RRP15: variants seen among roughly 807,000 people sequenced by gnomAD.
RRP15 encodes the protein ribosomal RNA processing 15 homolog, also known as RRP15-like protein.
A neutral mutation model predicts 27.1 loss-of-function variants in RRP15; 18 were observed. The observed-to-expected ratio is 0.66, with a 90% CI of 0.46 to 0.98. RRP15 has a LOEUF of 0.98. Among genes scored for constraint, RRP15 ranks in the 50% least tolerant of loss-of-function variants. RRP15 has a pLI of 0.00. For synonymous variants in RRP15, 107 were observed against 109.4 expected (o/e 0.98, Z 0.14); for missense variants, 359 against 337.8 (o/e 1.06, Z -0.49).
intron 1 of RRP15, among the ~76,000 whole-genome samples, chr1:218,299,493 G>A (rs772070173): frequency 6.6e-6 from 1 of 152,140 alleles, no homozygotes; most frequent in Non-Finnish European, 1.5e-5. Context: ...CCATCAGAAA[G>A]TGTTTCGGCT....
chr1:218,318,789 A>G (rs1656131147), intron 4 of RRP15, among the ~76,000 whole-genome samples: 1 of 151,474 alleles, frequency 6.6e-6, no homozygotes, highest in Non-Finnish European at 1.5e-5. Flanking sequence ...TCCCAGTTAG[A>G]AAGTAATTTC....
intron 1 of RRP15, among the ~76,000 whole-genome samples, chr1:218,291,616 C>T (rs904283599): frequency 1.4e-5 from 2 of 146,886 alleles, no homozygotes; most frequent in African/African-American, 5.1e-5. Flanking sequence ...ACCACAACCT[C>T]CGCCTCCCAG....
chr1:218,323,398 G>A (rs1375878403), intron 4 of RRP15, among the ~76,000 whole-genome samples: 2 of 152,204 alleles, frequency 1.3e-5, no homozygotes, highest in African/African-American at 4.8e-5. Flanking sequence ...CGCTGCAGCT[G>A]GTGGTCTTGT....
intron 3 of RRP15, 102 bp downstream of exon 3, chr1:218,305,227 C>A: frequency 1.2e-6 from 1 of 817,238 alleles, no homozygotes; most frequent in Non-Finnish European, 2.0e-6. Flanking sequence ...CTTCTCAGAG[C>A]CAAGTGATAT....
chr1:218,315,234 G>T (rs965326184), intron 4 of RRP15, among the ~76,000 whole-genome samples: 1 of 152,086 alleles, frequency 6.6e-6, no homozygotes, highest in Non-Finnish European at 1.5e-5. Context: ...TTAGTGGTGA[G>T]AATGCTTTTG....
intron 4 of RRP15, among the ~76,000 whole-genome samples, chr1:218,328,485 A>G (rs1656310025): frequency 3.3e-5 from 5 of 152,170 alleles, no homozygotes; most frequent in Admixed American, 2.6e-4. Context: ...ACATGGTGAA[A>G]CCCCATCTCT....
At chr1:218,311,214 T>C (rs1655990410) in intron 4 of RRP15, among the ~76,000 whole-genome samples, 1 of 152,210 alleles carries the variant, frequency 6.6e-6, no homozygotes, top group South Asian at 2.1e-4. Flanking sequence ...GGTATTTACC[T>C]CCATATCTTA....
At position 218,330,971 on chromosome 1, in the gene RRP15, C is replaced by T. The variant is rs933622155; in HGVS notation, c.729C>T (p.Gly243=). The change falls in exon 5 of 5, where the codon GGC becomes GGT. Residue 243 remains glycine, a synonymous_variant. Coordinates refer to ENST00000366932, the MANE Select transcript of RRP15 (RefSeq NM_016052.4). ...AKQTEVKSEE[G]PGWTILRDDF... is the part of the protein sequence containing the mutation. The stretch of plus-strand genomic sequence containing the variant: ...AGACTGAAGTGAAATCAGAAGAAGG[C>T]CCAGGTTGGACGATCCTACGTGATG... The T allele has an allele frequency of 6.2e-7, 1 of 1,612,404 alleles. No individual in the cohort carries two copies.
intron 1 of RRP15, among the ~76,000 whole-genome samples, chr1:218,293,309 A>G (rs1655673807): frequency 6.6e-6 from 1 of 152,222 alleles, no homozygotes; most frequent in Admixed American, 6.5e-5. Context: ...TTTTCCGCTC[A>G]TGAAATTAAG....
In RRP15 at chr1:218,285,306, G is replaced by A. The variant is rs757820723; in HGVS notation, c.-11G>A. 6.2e-7 allele frequency: 1 copy of A among 1,613,102 alleles called. No individual in the cohort carries two copies. On this transcript the variant is annotated 5_prime_UTR_variant, in exon 1 of 5. Coordinates refer to ENST00000366932, the MANE Select transcript of RRP15 (RefSeq NM_016052.4). ...GACGCAACTGTCAGGTGACGCTTCCGGCGCAGAAAAATGGCAGCCGCCGCT... is the reference window on the plus strand; with the variant it reads ...GACGCAACTGTCAGGTGACGCTTCCAGCGCAGAAAAATGGCAGCCGCCGCT...
intron 3 of RRP15, among the ~76,000 whole-genome samples, chr1:218,306,091 G>A (rs1353020435): frequency 2.6e-5 from 4 of 152,176 alleles, no homozygotes; most frequent in South Asian, 2.1e-4. Context: ...TGTCCTAGGC[G>A]CCTCCCTTTC....
intron 1 of RRP15, among the ~76,000 whole-genome samples, chr1:218,289,370 C>T (rs1655598430): frequency 6.6e-6 from 1 of 152,176 alleles, no homozygotes; most frequent in African/African-American, 2.4e-5. Flanking sequence ...ACTGTTACCT[C>T]CATAGGTGCA....
intron 4 of RRP15, among the ~76,000 whole-genome samples, chr1:218,317,687 C>T (rs902604757): frequency 1.4e-5 from 2 of 147,070 alleles, no homozygotes; most frequent in Non-Finnish European, 3.0e-5. Flanking sequence ...GATTGTGTGT[C>T]GAATACAGAT....
At position 218,336,723 on chromosome 1, in the gene RRP15, T is replaced by C. The variant is rs1179755555; in HGVS notation, c.*5632T>C. ...TCAAGACTGTTTCTACACAATAATATTTGTCTTTGTACAGCAACACTGGGT... is the reference window on the plus strand; with the variant it reads ...TCAAGACTGTTTCTACACAATAATACTTGTCTTTGTACAGCAACACTGGGT... On this transcript the variant is annotated 3_prime_UTR_variant, in exon 5 of 5. Coordinates refer to ENST00000366932, the MANE Select transcript of RRP15 (RefSeq NM_016052.4). 6.6e-6 allele frequency: 1 copy of C among 152,222 alleles called. No homozygotes were observed. The highest frequency in any genetic ancestry group is 1.5e-5 in the Non-Finnish European group (1 of 68,028). The allele number at this position is 152,222 out of a possible 1,614,324, so 9.4% of individuals were successfully genotyped here.
In RRP15 at chr1:218,331,052, T is replaced by C; in HGVS notation, c.810T>C (p.Asp270=). 1 of 1,613,484 alleles carries C rather than the reference T, an allele frequency of 6.2e-7. No individual in the cohort carries two copies. The highest frequency in any genetic ancestry group is 1.3e-5 in the African/African-American group (1 of 75,038). ...KDWDKESDGP[D]DSRPESASDS... ...GGGACAAGGAAAGTGATGGGCCAGA[T>C]GACAGCAGACCAGAATCTGCAAGTG... The change falls in exon 5 of 5, where the codon GAT becomes GAC. Residue 270 remains aspartate, a synonymous_variant. Coordinates refer to ENST00000366932, the MANE Select transcript of RRP15 (RefSeq NM_016052.4).
intron 2 of RRP15, 37 bp from the exon 3 acceptor site, chr1:218,304,991 T>C: frequency 6.4e-7 from 1 of 1,552,794 alleles, no homozygotes; most frequent in Non-Finnish European, 8.9e-7. Context: ...TTCAGAAATA[T>C]CTAATATTCT....
At chr1:218,318,715 TC>T (rs1246868309) in intron 4 of RRP15, among the ~76,000 whole-genome samples, 1 of 152,146 alleles carries the variant, frequency 6.6e-6, no homozygotes, top group Non-Finnish European at 1.5e-5. Context: ...GATGCCAGTT[TC>T]CACTTGGTTA....
intron 1 of RRP15, among the ~76,000 whole-genome samples, chr1:218,287,233 G>A (rs774522781): frequency 1.3e-5 from 2 of 148,518 alleles, no homozygotes; most frequent in Non-Finnish European, 3.0e-5. Context: ...CACCCGTCTC[G>A]GCCTCCCAAA....
intron 4 of RRP15, among the ~76,000 whole-genome samples, chr1:218,322,968 G>A (rs1297236558): frequency 6.6e-6 from 1 of 152,172 alleles, no homozygotes; most frequent in South Asian, 2.1e-4. Context: ...CATAGCTCCC[G>A]GCAATGGCAT....
Sources: allele counts gnomAD v4.1 joint callset (sites outside exome capture counted in the v4.1 genomes callset), GRCh38; gene constraint gnomAD v4.1.1; transcripts MANE v1.5; gene names NCBI Gene and HGNC (gene_info 2026-07-23, HGNC 2026-07-21).